CDH3: variants seen among roughly 807,000 people sequenced by gnomAD.
CDH3 encodes the protein cadherin-3.
A neutral mutation model predicts 82.0 loss-of-function variants in CDH3; 54 were observed. That is an observed-to-expected ratio of 0.66 (90% CI 0.53 to 0.83). The LOEUF (loss-of-function observed/expected upper bound fraction) is 0.83, where lower values mean the gene tolerates loss of function less well. Among genes scored for constraint, CDH3 ranks in the 40% least tolerant of loss-of-function variants. The probability of loss-of-function intolerance (pLI) is 0.00; values close to 1 mark genes in which losing one functional copy is unlikely to be tolerated. For synonymous variants in CDH3, 446 were observed against 437.9 expected (o/e 1.02, Z -0.23); for missense variants, 1,054 against 1,084.6 (o/e 0.97, Z 0.40).
In CDH3 at chr16:68,687,686, A is replaced by G. The variant is rs955510472; in HGVS notation, c.1745A>G (p.Gln582Arg). 1 of 1,614,072 alleles carries G rather than the reference A, an allele frequency of 6.2e-7. No individual in the cohort carries two copies. Among genetic ancestry groups the G allele is most frequent in the South Asian group, 1.1e-5 (1 of 91,062 alleles). ...LSPHTSPFQA[Q>R]LTDDSDIYWT... ...CCCCACACCTCCCCTTTCCAGGCCC[A>G]GCTCACAGATGACTCAGACATCTAC... Residue 582 changes from glutamine (Q) to arginine (R), a missense_variant, in exon 12 of 16, where the codon CAG becomes CGG. Transcript: ENST00000264012.
intron 12 of CDH3, among the ~76,000 whole-genome samples, chr16:68,689,376 A>T (rs1431731282): frequency 5.9e-5 from 9 of 152,048 alleles, no homozygotes; most frequent in South Asian, 2.1e-4. Flanking sequence ...TACTAAAAAT[A>T]TAAAAAATAA....
chr16:68,686,084 G>A (rs1961403083), intron 11 of CDH3, among the ~76,000 whole-genome samples: 1 of 152,228 alleles, frequency 6.6e-6, no homozygotes, highest in African/African-American at 2.4e-5. Context: ...GGGAGGCTGA[G>A]GCAGGTGGAT....
intron 2 of CDH3, among the ~76,000 whole-genome samples, chr16:68,659,794 C>G (rs1364237574): frequency 1.6e-5 from 2 of 125,002 alleles, no homozygotes; most frequent in African/African-American, 6.1e-5. Flanking sequence ...TATAAGAATC[C>G]TTGTAGACCC....
intron 2 of CDH3, among the ~76,000 whole-genome samples, chr16:68,666,830 T>C (rs1050319891): frequency 6.6e-6 from 1 of 152,206 alleles, no homozygotes; most frequent in African/African-American, 2.4e-5. Flanking sequence ...AGGCTGTAGA[T>C]TAGGCATTTG....
downstream of CDH3, among the ~76,000 whole-genome samples, chr16:68,701,187 A>G (rs566408372): frequency 8.5e-5 from 13 of 152,184 alleles, no homozygotes; most frequent in South Asian, 2.5e-3. Flanking sequence ...CCCAGCCTCA[A>G]CTGGCCTCGG....
At chr16:68,686,792 C>T (rs1266964593) in intron 11 of CDH3, 18 of 535,222 alleles carry the variant, frequency 3.4e-5, no homozygotes, top group Non-Finnish European at 5.1e-5. Context: ...TTATAATAAA[C>T]TAATGATAAC....
downstream of CDH3, chr16:68,700,313 C>T (rs532916646): frequency 1.6e-4 from 25 of 152,338 alleles, no homozygotes; most frequent in Admixed American, 1.3e-3. Flanking sequence ...TTCTGTAAAG[C>T]GTCTCTGCTC....
At chr16:68,726,578 TG>T (rs1413548746) in intron 2 of CDH3, among the ~76,000 whole-genome samples, 30 of 149,218 alleles carry the variant, frequency 2.0e-4, no homozygotes, top group South Asian at 1.5e-3. Context: ...TTTTTTTGGT[TG>T]TTTTTTTTTT....
In CDH3 at chr16:68,682,410, A is replaced by G. The variant is rs370398543; in HGVS notation, c.1105A>G (p.Met369Val). The G allele has an allele frequency of 5.9e-5, 96 of 1,613,952 alleles. No individual in the cohort carries two copies. Among genetic ancestry groups the G allele is most frequent in the Non-Finnish European group, 6.7e-5 (79 of 1,180,030 alleles). Residue 369 changes from methionine to valine, a missense_variant, in exon 9 of 16, where the codon ATG (methionine) becomes GTG (valine). By Grantham distance (21) the Met-to-Val change is conservative. Transcript: ENST00000264012. ...AGCGTGGCGTGCCACCTACCTTATC[A>G]TGGGCGGTGACGACGGGGACCATTT... The part of the protein sequence containing the change: ...SPAWRATYLI[M>V]GGDDGDHFTI...
intron 12 of CDH3, 105 bp downstream of exon 12, chr16:68,687,841 C>A: frequency 1.2e-6 from 1 of 801,180 alleles, no homozygotes; most frequent in Non-Finnish European, 2.2e-6. Flanking sequence ...TCTTGTGGGC[C>A]ATGGGGACAA....
At chr16:68,686,421 C>G in intron 11 of CDH3, 1 of 1,369,278 alleles carries the variant, frequency 7.3e-7, no homozygotes, top group Non-Finnish European at 1.0e-6. Context: ...ACTCTTTGAC[C>G]GAGTATTGGT....
At chr16:68,668,588 A>G (rs1242512543) in intron 2 of CDH3, among the ~76,000 whole-genome samples, 1 of 152,152 alleles carries the variant, frequency 6.6e-6, no homozygotes, top group Admixed American at 6.5e-5. Context: ...CAGCTTTTTC[A>G]TGAAATCTCC....
At chr16:68,683,417 C>T (rs1407304437) in intron 9 of CDH3, among the ~76,000 whole-genome samples, 5 of 151,772 alleles carry the variant, frequency 3.3e-5, no homozygotes, top group Non-Finnish European at 1.5e-5. Flanking sequence ...TTTGGGAGGC[C>T]GAGGTGGGTG....
At chr16:68,680,895 T>A (rs370657935) in intron 7 of CDH3, 73 bp from the exon 8 acceptor site, 1 of 1,557,254 alleles carries the variant, frequency 6.4e-7, no homozygotes, top group East Asian at 2.2e-5. Context: ...CATGAGCCAG[T>A]GCTTCCTGGA....
intron 2 of CDH3, among the ~76,000 whole-genome samples, chr16:68,665,514 G>A (rs1286850259): frequency 6.6e-6 from 1 of 152,172 alleles, no homozygotes; most frequent in Admixed American, 6.5e-5. Context: ...AAATTAAGCA[G>A]CAATAAATGG....
intron 2 of CDH3, among the ~76,000 whole-genome samples, chr16:68,661,779 C>T (rs911787081): frequency 6.6e-6 from 1 of 152,228 alleles, no homozygotes; most frequent in African/African-American, 2.4e-5. Context: ...ACCTCCGCCT[C>T]CCGGGTTCAA....
chr16:68,705,712 G>A (rs1383880230), intron 1 of CDH3, among the ~76,000 whole-genome samples: 3 of 151,124 alleles, frequency 2.0e-5, no homozygotes, highest in East Asian at 2.0e-4. Flanking sequence ...GTGAGCCGCC[G>A]TGCCCAGCCC....
At chr16:68,726,020 C>T (rs1348655060) in intron 2 of CDH3, among the ~76,000 whole-genome samples, 1 of 152,058 alleles carries the variant, frequency 6.6e-6, no homozygotes, top group African/African-American at 2.4e-5. Flanking sequence ...GATTGCACTA[C>T]TGCACTCCAG....
chr16:68,678,385 C>A, intron 4 of CDH3, 108 bp downstream of exon 4: 4 of 1,581,498 alleles, frequency 2.5e-6, no homozygotes, highest in Non-Finnish European at 3.5e-6. Flanking sequence ...ACAGAAAAAC[C>A]TCTCCTGTTC....
Sources: allele counts gnomAD v4.1 joint callset (sites outside exome capture counted in the v4.1 genomes callset), GRCh38; gene constraint gnomAD v4.1.1; transcripts MANE v1.5; gene names NCBI Gene and HGNC (gene_info 2026-07-23, HGNC 2026-07-21).